The following PLCL1 variants were observed in gnomAD, a reference collection of about 807,000 sequenced individuals.
The protein encoded by PLCL1 is phospholipase C like 1 (inactive).
PLCL1 carries 41 observed loss-of-function variants against 84.4 expected under a neutral mutation model. The ratio of observed to expected loss-of-function variants is 0.49; its 90% CI spans 0.38 to 0.63. The LOEUF (loss-of-function observed/expected upper bound fraction) is 0.63, where lower values mean the gene tolerates loss of function less well. Ranked by LOEUF, PLCL1 falls within the 30% of genes least tolerant of loss-of-function variation. The probability of loss-of-function intolerance (pLI) is 0.00; values close to 1 mark genes in which losing one functional copy is unlikely to be tolerated. For missense variants in PLCL1, 1,206 were observed against 1,367.8 expected, an observed-to-expected ratio of 0.88 and a Z score of 1.87; for synonymous variants, 490 against 488.3, an observed-to-expected ratio of 1.00 and a Z score of -0.05.
At chr2:197,936,377 C>A (rs1574957741) in intron 1 of PLCL1, among the ~76,000 whole-genome samples, 1 of 152,034 alleles carries the variant, frequency 6.6e-6, no homozygotes, top group African/African-American at 2.4e-5. Context: ...ATATTTCCAC[C>A]AACAATGTAC....
At chr2:197,953,896 G>C (rs1689436769) in intron 1 of PLCL1, among the ~76,000 whole-genome samples, 1 of 149,282 alleles carries the variant, frequency 6.7e-6, no homozygotes, top group Non-Finnish European at 1.5e-5. Flanking sequence ...CTAGCTTCCT[G>C]AGTAGTCACC....
intron 1 of PLCL1, among the ~76,000 whole-genome samples, chr2:197,814,835 T>C (rs1462881820): frequency 6.6e-6 from 1 of 152,176 alleles, no homozygotes; most frequent in African/African-American, 2.4e-5. Context: ...AGCCATAACA[T>C]TTCCTTAAGC....
intron 1 of PLCL1, among the ~76,000 whole-genome samples, chr2:197,974,771 C>T (rs965349036): frequency 6.6e-5 from 10 of 152,202 alleles, no homozygotes; most frequent in Non-Finnish European, 1.5e-4. Context: ...AATTCTGACC[C>T]CTTCTCCCAA....
intron 1 of PLCL1, among the ~76,000 whole-genome samples, chr2:198,059,874 G>C (rs1447576693): frequency 6.6e-6 from 1 of 152,152 alleles, no homozygotes; most frequent in South Asian, 2.1e-4. Context: ...GGGACAGAGG[G>C]GCTTTGCGCT....
At chr2:198,128,308 C>T (rs1023158892) in intron 5 of PLCL1, among the ~76,000 whole-genome samples, 7 of 152,158 alleles carry the variant, frequency 4.6e-5, no homozygotes, top group Admixed American at 2.0e-4. Context: ...GCTGATTCAT[C>T]TAGACAGGGG....
At chr2:198,047,385 C>T (rs189641924) in intron 1 of PLCL1, among the ~76,000 whole-genome samples, 2 of 152,186 alleles carry the variant, frequency 1.3e-5, no homozygotes, top group East Asian at 1.9e-4. Flanking sequence ...GGTTTCATCA[C>T]GTTGGCTGGG....
chr2:197,940,321 G>A (rs948313160), intron 1 of PLCL1, among the ~76,000 whole-genome samples: 1 of 152,110 alleles, frequency 6.6e-6, no homozygotes, highest in African/African-American at 2.4e-5. Flanking sequence ...CACTCAGAAA[G>A]CAAATGAAGT....
intron 1 of PLCL1, among the ~76,000 whole-genome samples, chr2:198,072,785 T>A (rs1453119464): frequency 1.3e-5 from 2 of 152,140 alleles, no homozygotes; most frequent in Non-Finnish European, 2.9e-5. Context: ...ATTGATGGAC[T>A]GTCTCATGTT....
At chr2:197,976,509 C>T (rs1341668300) in intron 1 of PLCL1, among the ~76,000 whole-genome samples, 2 of 152,166 alleles carry the variant, frequency 1.3e-5, no homozygotes, top group Non-Finnish European at 2.9e-5. Flanking sequence ...CGTGCAGTGG[C>T]ATGAACTCGG....
intron 5 of PLCL1, among the ~76,000 whole-genome samples, chr2:198,128,974 C>T (rs889461851): frequency 6.6e-6 from 1 of 152,044 alleles, no homozygotes; most frequent in Non-Finnish European, 1.5e-5. Flanking sequence ...CTGAACTGAT[C>T]GGCCTTAAAA....
At chr2:197,924,008 G>A (rs926394203) in intron 1 of PLCL1, among the ~76,000 whole-genome samples, 36 of 151,326 alleles carry the variant, frequency 2.4e-4, no homozygotes, top group African/African-American at 6.3e-4. Context: ...CCAGTCAGGC[G>A]TGGCGGCGCG....
At chr2:198,116,735 G>C (rs929762543) in intron 5 of PLCL1, among the ~76,000 whole-genome samples, 1 of 151,848 alleles carries the variant, frequency 6.6e-6, no homozygotes, top group Non-Finnish European at 1.5e-5. Flanking sequence ...AGGTTAACAA[G>C]TCGTTATGTA....
At chr2:198,065,372 A>G (rs1692301242) in intron 1 of PLCL1, among the ~76,000 whole-genome samples, 1 of 152,198 alleles carries the variant, frequency 6.6e-6, no homozygotes. Flanking sequence ...TTCTTCTTAC[A>G]GAATTCTCTC....
chr2:197,897,148 T>C (rs1481778729), intron 1 of PLCL1, among the ~76,000 whole-genome samples: 2 of 31,612 alleles, frequency 6.3e-5, no homozygotes, highest in African/African-American at 4.9e-4. Flanking sequence ...CTTCTTCTTC[T>C]TCTTCTTCTT....
At chr2:198,064,524 T>C (rs934509016) in intron 1 of PLCL1, among the ~76,000 whole-genome samples, 8 of 152,288 alleles carry the variant, frequency 5.3e-5, no homozygotes, top group Non-Finnish European at 1.0e-4. Flanking sequence ...ACAATTAAAA[T>C]GTTCACTTTA....
chr2:198,085,315 T>A lies in PLCL1; in HGVS notation c.1798T>A (p.Phe600Ile). The change falls in exon 2 of 6, where the codon TTT (phenylalanine) becomes ATT (isoleucine). Residue 600 changes from phenylalanine to isoleucine, a missense_variant. Physicochemically the swap from Phe to Ile is conservative, Grantham distance 21. Coordinates refer to ENST00000428675, the MANE Select transcript of PLCL1 (RefSeq NM_006226.4). This position sits in a 1 kb window ranked among gnomAD's most constrained non-coding sequence, Gnocchi z 5.3. ...TTGTAAATCTGTTCAATACAGGGATTTTGAACTATCTATGAAAAGCCAAAA... is the reference window on the plus strand; with the variant it reads ...TTGTAAATCTGTTCAATACAGGGATATTGAACTATCTATGAAAAGCCAAAA... ...SICKSVQYRD[F>I]ELSMKSQNYW... is the part of the protein sequence containing the mutation. 3 of 1,613,678 alleles carry A rather than the reference T, an allele frequency of 1.9e-6. No homozygotes were observed. Among genetic ancestry groups the A allele is most frequent in the Non-Finnish European group, 2.5e-6 (3 of 1,179,652 alleles).
chr2:197,946,299 G>T (rs979281741), intron 1 of PLCL1, among the ~76,000 whole-genome samples: 3 of 152,070 alleles, frequency 2.0e-5, no homozygotes, highest in Non-Finnish European at 4.4e-5. Context: ...TGCCTGAGGG[G>T]AGTCTCCAAA....
chr2:197,879,623 C>G (rs918340782), intron 1 of PLCL1, among the ~76,000 whole-genome samples: 3 of 152,066 alleles, frequency 2.0e-5, no homozygotes, highest in Non-Finnish European at 4.4e-5. Context: ...TTTGGGTTGT[C>G]TCTTTAATTT....
intron 1 of PLCL1, among the ~76,000 whole-genome samples, chr2:197,920,580 T>C (rs1688682410): frequency 6.6e-6 from 1 of 152,216 alleles, no homozygotes; most frequent in South Asian, 2.1e-4. Context: ...AGTAAGTATA[T>C]AATAACATAT....
Sources: gnomAD v4.1 joint callset for allele counts (sites outside exome capture counted in the v4.1 genomes callset) on GRCh38, gnomAD v4.1.1 for gene constraint, Gnocchi (gnomAD v3.1) non-coding constraint, MANE v1.5 for transcripts, NCBI Gene and HGNC (gene_info 2026-07-23, HGNC 2026-07-21) for gene names.